KRT81: variants seen among roughly 807,000 people sequenced by gnomAD.
KRT81 encodes keratin, type II cuticular Hb1.
KRT81 carries 35 observed loss-of-function variants against 35.8 expected under a neutral mutation model. That is an observed-to-expected ratio of 0.98 (90% CI 0.75 to 1.30). The LOEUF (loss-of-function observed/expected upper bound fraction) is 1.30. Ranked by LOEUF, KRT81 falls within the 50% of genes most tolerant of loss-of-function variation. The pLI is 0.00. For synonymous variants in KRT81, 249 were observed against 251.2 expected (o/e 0.99, Z 0.08); for missense variants, 531 against 577.4 (o/e 0.92, Z 0.82).
rs1328898748 is a variant in KRT81 at position 52,286,396 on chromosome 12, C to G, written c.1377G>C (p.Gly459=). ...TGSVCSAPCN[G]NVAVSTGLCA... ...ACAGGCCGGTGCTCACCGCCACGTT[C>G]CCGTTGCACGGAGCGCTGCAGACAC... The change falls in exon 9 of 9, where the codon GGG becomes GGC. Residue 459 remains glycine (G), a synonymous_variant. Coordinates refer to ENST00000327741, the MANE Select transcript of KRT81 (RefSeq NM_002281.4). 5 of 1,555,170 alleles carry G rather than the reference C, an allele frequency of 3.2e-6. No individual in the cohort carries two copies. In the Admixed American group the frequency reaches 7.8e-5, roughly 24 times the overall value.
At position 52,291,114 on chromosome 12, in the gene KRT81, C is replaced by G. The variant is rs548481177; in HGVS notation, c.352G>C (p.Ala118Pro). Residue 118 changes from alanine (A) to proline (P), a missense_variant, in exon 1 of 9, where the codon GCG (alanine) becomes CCG (proline). By Grantham distance (27) the Ala-to-Pro change is conservative. This residue lies in a region of KRT81 where 194 missense variants were observed against 198.2 expected (regional missense o/e 0.98). Coordinates refer to ENST00000327741, the MANE Select transcript of KRT81 (RefSeq NM_002281.4). ...EQIKSLNSRF[A>P]AFIDKVRFLE... The stretch of plus-strand genomic sequence containing the variant: ...ACACCCACCTTGTCGATGAAGGCCG[C>G]GAACCTGCTGTTGAGGGACTTGATC... 1 of 822,458 alleles carries G rather than the reference C, an allele frequency of 1.2e-6. No homozygotes were observed. The highest frequency in any genetic ancestry group is 1.7e-6 in the Non-Finnish European group (1 of 572,448). 50.9% of individuals were successfully genotyped at this position (822,458 alleles called of 1,614,324 possible).
intron 7 of KRT81, 123 bp downstream of exon 7, chr12:52,286,979 A>T: frequency 6.4e-7 from 1 of 1,568,670 alleles, no homozygotes; most frequent in East Asian, 2.3e-5. Flanking sequence ...CCCTCCCCAC[A>T]CCGGAAGTGA....
rs1490837490 is a variant in KRT81, at chr12:52,291,318, C to T, written c.148G>A (p.Val50Met). Residue 50 changes from valine to methionine, a missense_variant, in exon 1 of 9, where the codon GTG becomes ATG. By Grantham distance (21) the Val-to-Met change is conservative. Transcript: ENST00000327741. Reference sequence around the variant, plus strand: ...GAGCCGGCCCGAAAGCCTCCGCACACGCTGTGGCTGCCGAAGCCCCCGGTG... The same window carrying T: ...GAGCCGGCCCGAAAGCCTCCGCACATGCTGTGGCTGCCGAAGCCCCCGGTG... ...GLTGGFGSHS[V>M]CGGFRAGSCG... 7 of 1,551,198 alleles carry T rather than the reference C, an allele frequency of 4.5e-6. No individual in the cohort carries two copies. Among genetic ancestry groups the T allele is most frequent in the East Asian group, 2.4e-5 (1 of 41,288 alleles).
chr12:52,287,052 G>A, intron 7 of KRT81, 50 bp downstream of exon 7: 1 of 1,612,324 alleles, frequency 6.2e-7, no homozygotes, highest in African/African-American at 1.3e-5. Context: ...GGGTAGGCTT[G>A]TGCCAGGGAT....
At position 52,287,653 on chromosome 12, in the gene KRT81, A is replaced by G. The variant is rs3187034; in HGVS notation, c.969T>C (p.Asn323=). 815,252 of 1,609,380 alleles carry G rather than the reference A, an allele frequency of 0.51. 211,427 individuals are homozygous for G. The highest frequency in any genetic ancestry group is 0.57 in the African/African-American group (42,348 of 74,752). The part of the protein sequence containing the change: ...ETLRRTKEEI[N]ELNRMIQRLT... ...GCCTTTGGATCATGCGGTTCAGCTC[A>G]TTGATCTCCTCCTTGGTGCGGCGCA... The change falls in exon 6 of 9, where the codon AAT becomes AAC. Residue 323 remains asparagine (N), a synonymous_variant. Transcript: ENST00000327741.
Position 52,291,435 on chromosome 12 carries a change from CG to C in KRT81, c.30del (p.Ala11ProfsTer92), listed in dbSNP as rs1242634748. MTCGSGFGG[R>X]AFSCISACGP... ...CCGCAGGCCGAGATGCAGCTGAAGGCGCGCCCACCAAATCCTGATCCGCAGG... is the reference window on the plus strand; with the variant it reads ...CCGCAGGCCGAGATGCAGCTGAAGGCCGCCCACCAAATCCTGATCCGCAGG... On this transcript the variant is annotated frameshift_variant, in exon 1 of 9. Transcript: ENST00000327741. LOFTEE classifies it high-confidence loss of function. The C allele has an allele frequency of 6.2e-7, 1 of 1,612,328 alleles. No individual in the cohort carries two copies. Among genetic ancestry groups the C allele is most frequent in the Non-Finnish European group, 8.5e-7 (1 of 1,179,466 alleles).
intron 7 of KRT81, 131 bp from the exon 8 acceptor site, chr12:52,286,953 C>A: frequency 6.5e-7 from 1 of 1,539,078 alleles, no homozygotes; most frequent in Non-Finnish European, 8.9e-7. Flanking sequence ...TTGCCTCAGA[C>A]AAACTCACAC....
In KRT81 at chr12:52,287,475, G is replaced by A. The variant is rs960634865; in HGVS notation, c.1026+121C>T. On this transcript the variant is annotated intron_variant, in intron 6 of 8. Coordinates refer to ENST00000327741, the MANE Select transcript of KRT81 (RefSeq NM_002281.4). ...GGACTCATTGAGAGACCACGACCAGGGACTCTACATGGACAAAGGGGGTGG... is the reference window on the plus strand; with the variant it reads ...GGACTCATTGAGAGACCACGACCAGAGACTCTACATGGACAAAGGGGGTGG... 5.6e-6 allele frequency: 9 copies of A among 1,594,076 alleles called. No homozygotes were observed. In the Admixed American group the frequency reaches 7.0e-5, roughly 12 times the overall value.
rs1205071646 is a variant in KRT81 at position 52,291,253 on chromosome 12, G to A, written c.213C>T (p.Cys71=). Residue 71 remains cysteine (C), a synonymous_variant, in exon 1 of 9, where the codon TGC becomes TGT. Transcript: ENST00000327741. ...TGGTGATGCATGGGGGACTGGGCCCGCACACGCCCCCGGAGCGGTAGCCGA... is the reference window on the plus strand; with the variant it reads ...TGGTGATGCATGGGGGACTGGGCCCACACACGCCCCCGGAGCGGTAGCCGA... The part of the protein sequence containing the change: ...RSFGYRSGGV[C]GPSPPCITTV... 4 of 1,517,702 alleles carry A rather than the reference G, an allele frequency of 2.6e-6. No homozygotes were observed. The East Asian group carries it at 7.4e-5, about 28-fold the overall frequency. 94.0% of individuals were successfully genotyped at this position (1,517,702 alleles called of 1,614,324 possible). A position where few individuals can be genotyped will look rare whatever the true frequency, so the allele number is the denominator to read the frequency against.
Position 52,291,376 on chromosome 12 carries a change from G to C in KRT81, c.90C>G (p.Ala30=), listed in dbSNP as rs747238469. 16 of 1,604,440 alleles carry C rather than the reference G, an allele frequency of 1.0e-5. No individual in the cohort carries two copies. In the African/African-American group the frequency reaches 2.0e-4, roughly 20 times the overall value. ...GGTAGCAGGAGATGCCACGGTAGGG[G>C]GCGGCGGTGATGCAGCAGCGGCCGG... ...PRPGRCCITA[A]PYRGISCYRG... The change falls in exon 1 of 9, where the codon GCC becomes GCG. Residue 30 remains alanine (A), a synonymous_variant. Coordinates refer to ENST00000327741, the MANE Select transcript of KRT81 (RefSeq NM_002281.4).
rs1938034016 is a variant in KRT81, at chr12:52,288,416, G to T, written c.680C>A (p.Ala227Asp). The T allele has an allele frequency of 1.2e-5, 19 of 1,614,138 alleles. No individual in the cohort carries two copies. Among genetic ancestry groups the T allele is most frequent in the Non-Finnish European group, 1.6e-5 (19 of 1,180,012 alleles). ...CAYLRKSDLE[A>D]NVEALIQEID... ...CTCCTGGATCAGGGCCTCCACGTTG[G>T]CCTCCAGGTCTGACTTGCGGAGGTA... The change falls in exon 4 of 9, where the codon GCC (alanine) becomes GAC (aspartate). Residue 227 changes from alanine to aspartate, a missense_variant. Physicochemically the swap from Ala to Asp is moderately radical, Grantham distance 126. Coordinates refer to ENST00000327741, the MANE Select transcript of KRT81 (RefSeq NM_002281.4).
chr12:52,286,101 G>T lies in KRT81; in HGVS notation c.*154C>A. 1.4e-6 allele frequency: 1 copy of T among 711,774 alleles called. No individual in the cohort carries two copies. Among genetic ancestry groups the T allele is most frequent in the Non-Finnish European group, 2.4e-6 (1 of 413,314 alleles). 44.1% of individuals were successfully genotyped at this position (711,774 alleles called of 1,614,324 possible). A position where few individuals can be genotyped will look rare whatever the true frequency, so the allele number is the denominator to read the frequency against. ...GTGGGGTGGCAGAGCCCAGAAGTGG[G>T]GGATCACACAGAGAAATGTGAGGCC... On this transcript the variant is annotated 3_prime_UTR_variant, in exon 9 of 9. Coordinates refer to ENST00000327741, the MANE Select transcript of KRT81 (RefSeq NM_002281.4).
chr12:52,287,059 G>A (rs1245033943), intron 7 of KRT81, 43 bp downstream of exon 7: 2 of 1,612,348 alleles, frequency 1.2e-6, no homozygotes, highest in Admixed American at 1.7e-5. Flanking sequence ...CTTGTGCCAG[G>A]GATGGGGAAG....
rs137888857 is a variant in KRT81, at chr12:52,288,124, T to C, written c.760A>G (p.Ile254Val). The C allele has an allele frequency of 5.4e-5, 87 of 1,614,014 alleles. No individual in the cohort carries two copies. The African/African-American group carries it at 1.1e-3, about 21-fold the overall frequency. ...TTGACAACCACGGAGGTGTCTGAGA[T>C]GTGCGACTGGAGAATGAGGATCTCC... ...EEEILILQSH[I>V]SDTSVVVKLD... Residue 254 changes from isoleucine (I) to valine (V), a missense_variant, in exon 5 of 9, where the codon ATC becomes GTC. Transcript: ENST00000327741.
chr12:52,286,681 A>T, intron 8 of KRT81, 110 bp downstream of exon 8: 2 of 1,299,090 alleles, frequency 1.5e-6, no homozygotes, highest in South Asian at 2.5e-5. Context: ...TCCTGTTGTG[A>T]TGCCAGCCCA....
chr12:52,287,955 C>G lies in KRT81; in HGVS notation c.900+29G>C, dbSNP rs774809318. 2.5e-6 allele frequency: 4 copies of G among 1,614,180 alleles called. No homozygotes were observed. In the Admixed American group the frequency reaches 6.7e-5, roughly 27 times the overall value. On this transcript the variant is annotated intron_variant, in intron 5 of 8. Transcript: ENST00000327741. Reference sequence around the variant, plus strand: ...TCTCACATCCCTCCCACTGACACGTCTAGCAGGCAGGTGTCCTGTGCCACT... The same window carrying G: ...TCTCACATCCCTCCCACTGACACGTGTAGCAGGCAGGTGTCCTGTGCCACT...
At position 52,288,071 on chromosome 12, in the gene KRT81, C is replaced by A. The variant is rs752222246; in HGVS notation, c.813G>T (p.Met271Ile). 2.2e-5 allele frequency: 35 copies of A among 1,614,198 alleles called. No homozygotes were observed. The highest frequency in any genetic ancestry group is 2.9e-5 in the Non-Finnish European group (34 of 1,180,040). Residue 271 changes from methionine to isoleucine, a missense_variant, in exon 5 of 9, where the codon ATG (methionine) becomes ATT (isoleucine). Coordinates refer to ENST00000327741, the MANE Select transcript of KRT81 (RefSeq NM_002281.4). ...VKLDNSRDLN[M>I]DCIIAEIKAQ... ...CCTTAATCTCGGCAATGATGCAGTC[C>A]ATGTTCAGGTCCCGGCTGTTGTCCA...
rs1326820632 is a variant in KRT81, at chr12:52,291,436, G to T, written c.30C>A (p.Arg10=). 3 of 1,612,510 alleles carry T rather than the reference G, an allele frequency of 1.9e-6. No homozygotes were observed. The highest frequency in any genetic ancestry group is 2.5e-6 in the Non-Finnish European group (3 of 1,179,492). The change falls in exon 1 of 9, where the codon CGC becomes CGA. Residue 10 remains arginine (R), a synonymous_variant. Transcript: ENST00000327741. ...CGCAGGCCGAGATGCAGCTGAAGGCGCGCCCACCAAATCCTGATCCGCAGG... is the reference window on the plus strand; with the variant it reads ...CGCAGGCCGAGATGCAGCTGAAGGCTCGCCCACCAAATCCTGATCCGCAGG... MTCGSGFGG[R]AFSCISACGP...
At chr12:52,286,952 A>G in intron 7 of KRT81, 130 bp from the exon 8 acceptor site, 1 of 1,535,404 alleles carries the variant, frequency 6.5e-7, no homozygotes, top group Admixed American at 1.8e-5. Flanking sequence ...CTTGCCTCAG[A>G]CAAACTCACA....
Sources: allele counts gnomAD v4.1 joint callset, GRCh38; gene constraint gnomAD v4.1.1; regional missense constraint gnomAD v4.1.1; transcripts MANE v1.5; gene names NCBI Gene and HGNC (gene_info 2026-07-23, HGNC 2026-07-21).